Variants in ZCCHC24 observed in about 807,000 individuals in gnomAD.
ZCCHC24 encodes the protein zinc finger CCHC-type containing 24.
In ZCCHC24, 10 loss-of-function variants were observed where a neutral mutation model predicts 26.2. That is an observed-to-expected ratio of 0.38 (90% confidence interval 0.24 to 0.65). ZCCHC24 has a LOEUF of 0.65. Among genes scored for constraint, ZCCHC24 ranks in the 30% least tolerant of loss-of-function variants. The pLI, the probability that ZCCHC24 is intolerant of heterozygous loss-of-function variation, is 0.54. For synonymous variants in ZCCHC24, 144 were observed against 147.1 expected (o/e 0.98, Z 0.15); for missense variants, 243 against 329.1 (o/e 0.74, Z 2.03).
chr10:79,414,947 C>G (rs967530707), intron 2 of ZCCHC24, among the ~76,000 whole-genome samples: 20 of 152,212 alleles, frequency 1.3e-4, no homozygotes, highest in Non-Finnish European at 2.9e-4. Context: ...CACTGGTCCC[C>G]AGGCTCTTCA....
At chr10:79,435,514 G>A (rs982633954) in intron 1 of ZCCHC24, among the ~76,000 whole-genome samples, 4 of 152,236 alleles carry the variant, frequency 2.6e-5, no homozygotes, top group Non-Finnish European at 5.9e-5. Context: ...CACAGTGAGA[G>A]AAGTGAGGCC....
rs747848567 is a variant in ZCCHC24, at chr10:79,445,411, G to C, written c.30C>G (p.Ser10Arg). 2.7e-6 allele frequency: 4 copies of C among 1,491,412 alleles called. No individual in the cohort carries two copies. Among genetic ancestry groups the C allele is most frequent in the African/African-American group, 1.4e-5 (1 of 69,082 alleles). The allele number at this position is 1,491,412 out of a possible 1,614,324, so 92.4% of individuals were successfully genotyped here. The change falls in exon 1 of 4, where the codon AGC becomes AGG. Residue 10 changes from serine (S) to arginine (R), a missense_variant. Transcript: ENST00000372336. Reference protein sequence around the residue: MSLLSAIDTSAASVYQPAQL... With the variant: MSLLSAIDTRAASVYQPAQL... The stretch of plus-strand genomic sequence containing the variant: ...GGGCGGGCTGGTACACCGAGGCGGC[G>C]CTCGTGTCGATGGCCGACAGCAGGC...
chr10:79,389,499 G>A (rs1856442769), intron 3 of ZCCHC24, among the ~76,000 whole-genome samples: 3 of 150,892 alleles, frequency 2.0e-5, no homozygotes, highest in African/African-American at 7.4e-5. Context: ...ATCTGGGTGA[G>A]AGGTTAATAA....
chr10:79,403,517 A>G (rs1442801766), intron 2 of ZCCHC24: 1 of 985,334 alleles, frequency 1.0e-6, no homozygotes, highest in African/African-American at 1.7e-5. Context: ...CCCCGGAGGA[A>G]GCAGGCGGTC....
chr10:79,402,861 A>T (rs7898802), intron 2 of ZCCHC24, among the ~76,000 whole-genome samples: 50,458 of 152,086 alleles, frequency 0.33, 10,010 homozygotes, highest in African/African-American at 0.55. Flanking sequence ...TTAAAGAAAA[A>T]GCCTGCTCCT....
chr10:79,432,657 G>A lies in ZCCHC24; in HGVS notation c.348C>T (p.Thr116=), dbSNP rs150875642. The A allele has an allele frequency of 8.9e-5, 143 of 1,609,706 alleles. 1 individual carries two copies. In the African/African-American group the frequency reaches 1.8e-3, roughly 20 times the overall value. Residue 116 remains threonine (T), a synonymous_variant, in exon 2 of 4, where the codon ACC becomes ACT. Coordinates refer to ENST00000372336, the MANE Select transcript of ZCCHC24 (RefSeq NM_153367.4). ...TGGGCTTGCGAGCCTCGGAGGTGAG[G>A]GTCAGGTCTGAGAAGTGCTCGGTGA... The part of the protein sequence containing the change: ...SSLTEHFSDL[T]LTSEARKPSK...
At chr10:79,388,941 A>G (rs1856435343) in intron 3 of ZCCHC24, among the ~76,000 whole-genome samples, 1 of 152,210 alleles carries the variant, frequency 6.6e-6, no homozygotes, top group Admixed American at 6.5e-5. Context: ...GGAAAGCCAC[A>G]CATGCTGTTT....
intron 2 of ZCCHC24, among the ~76,000 whole-genome samples, chr10:79,401,913 G>A (rs370639904): frequency 4.9e-4 from 74 of 152,338 alleles, no homozygotes; most frequent in South Asian, 1.5e-3. Context: ...CCTGCAGCCC[G>A]GCCGCTGAGG....
intron 1 of ZCCHC24, 25 bp from the exon 2 acceptor site, chr10:79,432,783 C>T: frequency 6.2e-7 from 1 of 1,603,840 alleles, no homozygotes; most frequent in Non-Finnish European, 8.5e-7. Flanking sequence ...GGCACATATA[C>T]TACAGCCTCT....
chr10:79,437,581 C>G (rs1218632504), intron 1 of ZCCHC24, among the ~76,000 whole-genome samples: 1 of 152,194 alleles, frequency 6.6e-6, no homozygotes, highest in East Asian at 1.9e-4. Flanking sequence ...GGCTTGACCT[C>G]CCCTATAGGA....
At chr10:79,439,792 CAAAAA>C (rs3997794) in intron 1 of ZCCHC24, among the ~76,000 whole-genome samples, 2 of 116,164 alleles carry the variant, frequency 1.7e-5, no homozygotes, top group Admixed American at 9.2e-5. Flanking sequence ...CAGACTCCAT[CAAAAA>C]AAAAAAAAAA....
chr10:79,406,870 G>A (rs1377205707), intron 2 of ZCCHC24, among the ~76,000 whole-genome samples: 1 of 152,156 alleles, frequency 6.6e-6, no homozygotes, highest in East Asian at 1.9e-4. Flanking sequence ...CAATAATCCC[G>A]CTGGTGCCCT....
At chr10:79,397,120 T>A (rs1856557326) in intron 2 of ZCCHC24, among the ~76,000 whole-genome samples, 1 of 152,182 alleles carries the variant, frequency 6.6e-6, no homozygotes, top group Admixed American at 6.5e-5. Context: ...GACAAAACAT[T>A]AAGAGGGGAC....
chr10:79,417,860 G>A (rs1293999465), intron 2 of ZCCHC24, among the ~76,000 whole-genome samples: 2 of 152,054 alleles, frequency 1.3e-5, no homozygotes, highest in Non-Finnish European at 2.9e-5. Flanking sequence ...GAGTGGGGGC[G>A]GTGTGTTGAG....
intron 2 of ZCCHC24, among the ~76,000 whole-genome samples, chr10:79,408,407 C>T (rs879718523): frequency 2.0e-4 from 30 of 152,208 alleles, no homozygotes; most frequent in Non-Finnish European, 1.5e-4. Flanking sequence ...CCAGGGATCC[C>T]GCTTGTTGTC....
chr10:79,444,374 T>G, intron 1 of ZCCHC24: 1 of 737,050 alleles, frequency 1.4e-6, no homozygotes, highest in Non-Finnish European at 1.7e-6. Context: ...AAAGAGGCGC[T>G]GCCCAGTCAA....
At chr10:79,409,800 C>T (rs1437525632) in intron 2 of ZCCHC24, among the ~76,000 whole-genome samples, 2 of 152,230 alleles carry the variant, frequency 1.3e-5, no homozygotes, top group African/African-American at 2.4e-5. Context: ...GTGTCCCACC[C>T]GGGCAGCTGG....
chr10:79,394,967 T>C (rs956438101), intron 2 of ZCCHC24, among the ~76,000 whole-genome samples: 5 of 152,246 alleles, frequency 3.3e-5, no homozygotes, highest in Admixed American at 1.3e-4. Context: ...TACAGATGCA[T>C]ATGACATGCA....
chr10:79,432,096 C>G (rs889406980), intron 2 of ZCCHC24, among the ~76,000 whole-genome samples: 1 of 152,224 alleles, frequency 6.6e-6, no homozygotes, highest in Non-Finnish European at 1.5e-5. Flanking sequence ...CCCCTCTTCC[C>G]TCACAGGCTG....
Sources: gnomAD v4.1 joint callset for allele counts (sites outside exome capture counted in the v4.1 genomes callset) on GRCh38, gnomAD v4.1.1 for gene constraint, MANE v1.5 for transcripts, NCBI Gene and HGNC (gene_info 2026-07-23, HGNC 2026-07-21) for gene names.